Variants in CD44 observed in about 807,000 individuals in gnomAD.
CD44 encodes the protein CD44 antigen.
In CD44, 49 loss-of-function variants were observed where a neutral mutation model predicts 88.8. The ratio of observed to expected loss-of-function variants is 0.55; its 90% CI spans 0.44 to 0.70. CD44 has a LOEUF of 0.70. CD44 is among the 30% of genes least tolerant of loss of function. The probability of loss-of-function intolerance (pLI) is 0.00; values close to 1 mark genes in which losing one functional copy is unlikely to be tolerated. For missense variants in CD44, 883 were observed against 913.8 expected (o/e 0.97, Z 0.43); for synonymous variants, 325 against 312.3 (o/e 1.04, Z -0.43).
intron 12 of CD44, among the ~76,000 whole-genome samples, chr11:35,208,843 T>G (rs1419409402): frequency 6.6e-6 from 1 of 152,182 alleles, no homozygotes; most frequent in African/African-American, 2.4e-5. Context: ...ATAATTTCTT[T>G]GAGGAATACA....
Position 35,190,081 on chromosome 11 carries a change from C to T in CD44, c.667+16C>T. On this transcript the variant is annotated intron_variant, in intron 5 of 17. Transcript: ENST00000428726. Reference sequence around the variant, plus strand: ...CCTGCTACCAGTAAGGAGAATAAATCACTGTGCTTCCCAATAGCAATTCCC... The same window carrying T: ...CCTGCTACCAGTAAGGAGAATAAATTACTGTGCTTCCCAATAGCAATTCCC... 6.3e-7 allele frequency: 1 copy of T among 1,597,892 alleles called. No homozygotes were observed. The highest frequency in any genetic ancestry group is 8.6e-7 in the Non-Finnish European group (1 of 1,165,196).
chr11:35,163,797 T>A (rs1056972783), intron 1 of CD44, among the ~76,000 whole-genome samples: 1 of 152,168 alleles, frequency 6.6e-6, no homozygotes, highest in Non-Finnish European at 1.5e-5. Flanking sequence ...AGAGGCATGA[T>A]TCTGCTTCTT....
intron 1 of CD44, among the ~76,000 whole-genome samples, chr11:35,146,337 T>C (rs1267068681): frequency 6.6e-6 from 1 of 152,248 alleles, no homozygotes; most frequent in African/African-American, 2.4e-5. Context: ...ACCAGTCATT[T>C]TGAGCATCTG....
chr11:35,179,692 G>A (rs1944806772), intron 2 of CD44, among the ~76,000 whole-genome samples: 2 of 152,200 alleles, frequency 1.3e-5, no homozygotes, highest in Non-Finnish European at 1.5e-5. Context: ...GCAGTGTGCT[G>A]TGCTGTGTAC....
Position 35,201,728 on chromosome 11 carries a change from C to G in CD44, c.1094C>G (p.Pro365Arg). Residue 365 changes from proline to arginine, a missense_variant, in exon 9 of 18, where the codon CCT (proline) becomes CGT (arginine). Physicochemically the swap from Pro to Arg is moderately radical, Grantham distance 103. Coordinates refer to ENST00000428726, the MANE Select transcript of CD44 (RefSeq NM_000610.4). ...GGAAACTGGAACCCAGAAGCACACC[C>G]TCCCCTCATTCACCATGAGCATCAT... ...YEGNWNPEAH[P>R]PLIHHEHHEE... 1 of 1,613,490 alleles carries G rather than the reference C, an allele frequency of 6.2e-7. No individual in the cohort carries two copies. The highest frequency in any genetic ancestry group is 8.5e-7 in the Non-Finnish European group (1 of 1,179,456).
intron 9 of CD44, among the ~76,000 whole-genome samples, chr11:35,203,230 A>C (rs947543168): frequency 6.6e-6 from 1 of 152,156 alleles, no homozygotes; most frequent in African/African-American, 2.4e-5. Context: ...ACCCATTCCT[A>C]TTTAGGCTGA....
chr11:35,199,411 C>G (rs911884345), intron 7 of CD44, among the ~76,000 whole-genome samples: 1 of 152,050 alleles, frequency 6.6e-6, no homozygotes, highest in South Asian at 2.1e-4. Context: ...GAATCCTGAA[C>G]CTGACTCCAT....
chr11:35,185,967 G>A (rs1945634294), intron 3 of CD44, among the ~76,000 whole-genome samples: 1 of 152,126 alleles, frequency 6.6e-6, no homozygotes, highest in Non-Finnish European at 1.5e-5. Flanking sequence ...TAACATCTGT[G>A]GATGATCAGT....
intron 17 of CD44, chr11:35,222,963 A>T (rs1949423703): frequency 1.0e-6 from 1 of 985,256 alleles, no homozygotes; most frequent in Non-Finnish European, 1.2e-6. Context: ...CCAACAGCTA[A>T]TTCCAACACC....
At chr11:35,159,356 G>A (rs1011589752) in intron 1 of CD44, among the ~76,000 whole-genome samples, 45 of 152,340 alleles carry the variant, frequency 3.0e-4, no homozygotes, top group African/African-American at 1.1e-3. Context: ...TTTAATAGGA[G>A]TATTTACATG....
At chr11:35,171,299 T>C (rs1384312752) in intron 1 of CD44, among the ~76,000 whole-genome samples, 2 of 152,326 alleles carry the variant, frequency 1.3e-5, no homozygotes, top group East Asian at 3.9e-4. Context: ...ACAGGATAGT[T>C]GACCAGAAAT....
chr11:35,206,784 T>C (rs1947908464), intron 11 of CD44, among the ~76,000 whole-genome samples: 1 of 152,126 alleles, frequency 6.6e-6, no homozygotes, highest in South Asian at 2.1e-4. Context: ...GAAGATGTGT[T>C]TGAATGGCTA....
intron 15 of CD44, among the ~76,000 whole-genome samples, chr11:35,215,810 T>A (rs934661397): frequency 1.5e-4 from 23 of 151,600 alleles, no homozygotes; most frequent in Admixed American, 6.6e-5. Flanking sequence ...AGGCAGAGTT[T>A]GCAGTGAGCC....
At chr11:35,155,426 T>G (rs1941725512) in intron 1 of CD44, among the ~76,000 whole-genome samples, 2 of 152,142 alleles carry the variant, frequency 1.3e-5, no homozygotes, top group South Asian at 2.1e-4. Context: ...AAGCTAAGTT[T>G]TTGTGCCTCT....
At chr11:35,225,875 T>C (rs1949662659) in intron 17 of CD44, among the ~76,000 whole-genome samples, 1 of 152,186 alleles carries the variant, frequency 6.6e-6, no homozygotes, top group African/African-American at 2.4e-5. Context: ...CAAGCTGTGA[T>C]TCTTGCAGTG....
Position 35,139,496 on chromosome 11 carries a change from T to C in CD44, c.67+126T>C, listed in dbSNP as rs16926939. 8.7e-4 allele frequency: 734 copies of C among 841,558 alleles called. 7 individuals are homozygous for C. In the African/African-American group the frequency reaches 0.011, roughly 12 times the overall value. 52.1% of individuals were successfully genotyped at this position (841,558 alleles called of 1,614,324 possible). Reference sequence around the variant, plus strand: ...TCAAGTGAGCTGTCTGCGAAGTGCATTGGGCTCCGGAAAGCAGGGCTGGGA... The same window carrying C: ...TCAAGTGAGCTGTCTGCGAAGTGCACTGGGCTCCGGAAAGCAGGGCTGGGA... On this transcript the variant is annotated intron_variant, in intron 1 of 17. Transcript: ENST00000428726.
At chr11:35,210,280 C>T (rs182086892) in intron 13 of CD44, 213 of 336,530 alleles carry the variant, frequency 6.3e-4, no homozygotes, top group African/African-American at 4.3e-3. Flanking sequence ...GGGTTTCTTT[C>T]ACTCTAGAGT....
At chr11:35,142,538 T>C (rs1333769290) in intron 1 of CD44, among the ~76,000 whole-genome samples, 1 of 152,138 alleles carries the variant, frequency 6.6e-6, no homozygotes, top group African/African-American at 2.4e-5. Flanking sequence ...TTCTCTCTAA[T>C]TGAGCATTAG....
intron 8 of CD44, 47 bp downstream of exon 8, chr11:35,201,242 C>A: frequency 7.8e-7 from 1 of 1,289,412 alleles, no homozygotes; most frequent in Non-Finnish European, 1.1e-6. Flanking sequence ...CCCCTCAAAG[C>A]CCATGATGCT....
Sources: gnomAD v4.1 joint callset for allele counts (sites outside exome capture counted in the v4.1 genomes callset) on GRCh38, gnomAD v4.1.1 for gene constraint, MANE v1.5 for transcripts, NCBI Gene and HGNC (gene_info 2026-07-23, HGNC 2026-07-21) for gene names.